The following MYO3B variants were observed in gnomAD, a reference collection of about 807,000 sequenced individuals.
MYO3B encodes myosin-IIIb.
In MYO3B, 156 loss-of-function variants were observed where a neutral mutation model predicts 174.6. The ratio of observed to expected loss-of-function variants is 0.89; its 90% confidence interval spans 0.78 to 1.02. The LOEUF (loss-of-function observed/expected upper bound fraction) is 1.02, where lower values mean the gene tolerates loss of function less well. MYO3B is among the 50% of genes least tolerant of loss of function. MYO3B has a pLI of 0.00. For missense variants in MYO3B, 1,632 were observed against 1,639.4 expected, an observed-to-expected ratio of 1.00 and a Z score of 0.08; for synonymous variants, 563 against 569.1, an observed-to-expected ratio of 0.99 and a Z score of 0.15.
chr2:170,601,946 G>A, intron 32 of MYO3B: 1 of 833,284 alleles, frequency 1.2e-6, no homozygotes, highest in Non-Finnish European at 2.0e-6. Context: ...GGCCTCTTGG[G>A]TGCATTGGAA....
intron 23 of MYO3B, among the ~76,000 whole-genome samples, chr2:170,447,679 T>C (rs1371603374): frequency 6.6e-6 from 1 of 152,180 alleles, no homozygotes; most frequent in African/African-American, 2.4e-5. Flanking sequence ...ACAGAGCCAA[T>C]TGATCAAGAT....
At chr2:170,460,200 C>G (rs138043480) in intron 23 of MYO3B, among the ~76,000 whole-genome samples, 88 of 152,168 alleles carry the variant, frequency 5.8e-4, no homozygotes, top group African/African-American at 2.1e-3. Flanking sequence ...TCAATATCAC[C>G]TATTCTAGGC....
intron 16 of MYO3B, among the ~76,000 whole-genome samples, chr2:170,393,877 A>G (rs1021627254): frequency 6.6e-6 from 1 of 152,326 alleles, no homozygotes; most frequent in South Asian, 2.1e-4. Context: ...GAGGGGGGCA[A>G]TTAAACAGGT....
intron 30 of MYO3B, among the ~76,000 whole-genome samples, chr2:170,530,716 T>A (rs1256563206): frequency 6.6e-6 from 1 of 152,218 alleles, no homozygotes; most frequent in Non-Finnish European, 1.5e-5. Context: ...CCAACTGTGC[T>A]TTTTTCTCCA....
chr2:170,616,250 C>A (rs1375490162), intron 32 of MYO3B, among the ~76,000 whole-genome samples: 1 of 152,176 alleles, frequency 6.6e-6, no homozygotes, highest in Non-Finnish European at 1.5e-5. Flanking sequence ...ATAGCCCTAT[C>A]TTATCCATAC....
chr2:170,636,715 A>ATGT (rs1373233996), intron 32 of MYO3B, among the ~76,000 whole-genome samples: 2 of 152,132 alleles, frequency 1.3e-5, no homozygotes, highest in Non-Finnish European at 2.9e-5. Context: ...TGAAGAGCTC[A>ATGT]TGTTAATATG....
At chr2:170,350,900 A>G (rs546921214) in intron 8 of MYO3B, 1 of 152,326 alleles carries the variant, frequency 6.6e-6, no homozygotes, top group East Asian at 1.9e-4. Context: ...TCCGTGGAAG[A>G]TATTTTCTGT....
intron 28 of MYO3B, among the ~76,000 whole-genome samples, chr2:170,505,978 C>T (rs1294687313): frequency 6.6e-6 from 1 of 152,274 alleles, no homozygotes. Context: ...CCCTCCTTGG[C>T]CCTGCCAAAA....
chr2:170,199,323 A>G lies in MYO3B; in HGVS notation c.118A>G (p.Lys40Glu), dbSNP rs1389547090. The G allele has an allele frequency of 6.2e-7, 1 of 1,613,590 alleles. No individual in the cohort carries two copies. The highest frequency in any genetic ancestry group is 1.7e-5 in the Admixed American group (1 of 59,984). The stretch of plus-strand genomic sequence containing the variant: ...GACCATTGGTAAAGGCACCTATGGC[A>G]AAGTCTACAAGGTAACTAACAAGAG... ...IETIGKGTYG[K>E]VYKVTNKRDG... is the part of the protein sequence containing the mutation. The change falls in exon 2 of 35, where the codon AAA becomes GAA. Residue 40 changes from lysine (K) to glutamate (E), a missense_variant. Physicochemically the swap from Lys to Glu is moderately conservative, Grantham distance 56 (BLOSUM62 1). Coordinates refer to ENST00000408978, the MANE Select transcript of MYO3B (RefSeq NM_138995.5).
At chr2:170,441,692 A>G (rs1023885261) in intron 22 of MYO3B, among the ~76,000 whole-genome samples, 1 of 152,204 alleles carries the variant, frequency 6.6e-6, no homozygotes, top group Non-Finnish European at 1.5e-5. Context: ...TAGACCATAT[A>G]GGGTAACTTC....
At chr2:170,243,126 T>C (rs1389639976) in intron 7 of MYO3B, among the ~76,000 whole-genome samples, 5 of 152,240 alleles carry the variant, frequency 3.3e-5, no homozygotes, top group Non-Finnish European at 2.9e-5. Flanking sequence ...TTTGTATCAG[T>C]TAACTACTAG....
intron 16 of MYO3B, among the ~76,000 whole-genome samples, chr2:170,393,144 C>T (rs61456052): frequency 8.4e-4 from 124 of 147,966 alleles, no homozygotes; most frequent in African/African-American, 3.0e-3. Flanking sequence ...AGTGCAGTGG[C>T]GGGATCTCAG....
chr2:170,349,337 G>A (rs546749892), intron 8 of MYO3B, among the ~76,000 whole-genome samples: 9 of 152,248 alleles, frequency 5.9e-5, no homozygotes, highest in South Asian at 2.1e-4. Context: ...TTGTTTCTAC[G>A]TCTGTCTCCC....
intron 32 of MYO3B, among the ~76,000 whole-genome samples, chr2:170,589,995 T>C (rs1339942276): frequency 2.6e-5 from 4 of 152,256 alleles, no homozygotes; most frequent in African/African-American, 9.6e-5. Flanking sequence ...TGTAATATGA[T>C]GTACAGGTTT....
chr2:170,558,580 T>A (rs1559114573), intron 32 of MYO3B, among the ~76,000 whole-genome samples: 1 of 152,336 alleles, frequency 6.6e-6, no homozygotes, highest in East Asian at 1.9e-4. Flanking sequence ...TTTTCTCTTT[T>A]TTCCCTTAAC....
intron 8 of MYO3B, among the ~76,000 whole-genome samples, chr2:170,352,512 A>G (rs1369005779): frequency 6.6e-6 from 1 of 152,208 alleles, no homozygotes; most frequent in Non-Finnish European, 1.5e-5. Context: ...ATGCTTTTGA[A>G]TTATCAGGCA....
chr2:170,613,781 A>G (rs1695270732), intron 32 of MYO3B, among the ~76,000 whole-genome samples: 1 of 152,140 alleles, frequency 6.6e-6, no homozygotes, highest in African/African-American at 2.4e-5. Context: ...GAGACGAGAC[A>G]AGACGAGCCT....
intron 22 of MYO3B, among the ~76,000 whole-genome samples, chr2:170,440,958 C>T (rs1010561067): frequency 1.4e-4 from 22 of 151,736 alleles, no homozygotes; most frequent in Middle Eastern, 3.2e-3. Flanking sequence ...CGTGCCACCA[C>T]GCCCGGCTAA....
rs545485498 is a variant in MYO3B, at chr2:170,429,647, A to T, written c.2651-14320A>T. Among the ~76,000 whole-genome samples the T allele has an allele frequency of 2.0e-5, 3 of 152,276 alleles. No individual in the cohort carries two copies. In the South Asian group the frequency reaches 6.2e-4, roughly 32 times the overall value. The stretch of plus-strand genomic sequence containing the variant: ...AAATTTGTCTTACAAGCTCTCTGGA[A>T]CTCTCTGGAACCCTCAGGTTTACAT... On this transcript the variant is annotated intron_variant, in intron 22 of 34. Coordinates refer to ENST00000408978, the MANE Select transcript of MYO3B (RefSeq NM_138995.5).
Sources: allele counts gnomAD v4.1 joint callset (sites outside exome capture counted in the v4.1 genomes callset), GRCh38; gene constraint gnomAD v4.1.1; transcripts MANE v1.5; gene names NCBI Gene and HGNC (gene_info 2026-07-23, HGNC 2026-07-21).